The following CSTF1 variants were observed in gnomAD, a reference collection of about 807,000 sequenced individuals.
CSTF1 encodes the protein CF-1 50 kDa subunit.
A neutral mutation model predicts 40.9 loss-of-function variants in CSTF1; 2 were observed. That is an observed-to-expected ratio of 0.05 (90% CI 0.02 to 0.15). CSTF1 has a LOEUF of 0.15. CSTF1 is among the 10% of genes least tolerant of loss of function. CSTF1 has a pLI of 1.00. For synonymous variants in CSTF1, 218 were observed against 207.2 expected, an observed-to-expected ratio of 1.05 and a Z score of -0.45; for missense variants, 279 against 558.9, an observed-to-expected ratio of 0.50 and a Z score of 5.05.
Position 56,399,431 on chromosome 20 carries a change from C to T in CSTF1, c.1036+74C>T. The T allele has an allele frequency of 7.7e-7, 1 of 1,302,048 alleles. No individual in the cohort carries two copies. Among genetic ancestry groups the T allele is most frequent in the Admixed American group, 2.0e-5 (1 of 49,676 alleles). The allele number at this position is 1,302,048 out of a possible 1,614,324, so 80.7% of individuals were successfully genotyped here. ...TCCAGAACTCTCTTTTAAGACCTCACAATAGAGCAACACAATATCTATGCA... is the reference window on the plus strand; with the variant it reads ...TCCAGAACTCTCTTTTAAGACCTCATAATAGAGCAACACAATATCTATGCA... On this transcript the variant is annotated intron_variant, in intron 5 of 5. Coordinates refer to ENST00000217109, the MANE Select transcript of CSTF1 (RefSeq NM_001324.3). This position sits in a 1 kb window ranked among gnomAD's most constrained non-coding sequence, Gnocchi z 4.6.
chr20:56,397,598 A>T lies in CSTF1; in HGVS notation c.448-46A>T, dbSNP rs1357991354. 4 of 1,603,158 alleles carry T rather than the reference A, an allele frequency of 2.5e-6. No homozygotes were observed. In the Admixed American group the frequency reaches 6.7e-5, roughly 27 times the overall value. On this transcript the variant is annotated intron_variant, in intron 3 of 5. Coordinates refer to ENST00000217109, the MANE Select transcript of CSTF1 (RefSeq NM_001324.3). This position sits in a 1 kb window ranked among gnomAD's most constrained non-coding sequence, Gnocchi z 4.4. ...CTACAGTTGTGGATTGTGCACTTGG[A>T]TTCAGACACATTCTGTGCCTTGAGC...
Position 56,395,876 on chromosome 20 carries a change from C to T in CSTF1, c.169+155C>T. On this transcript the variant is annotated intron_variant, in intron 2 of 5. Coordinates refer to ENST00000217109, the MANE Select transcript of CSTF1 (RefSeq NM_001324.3). ...AGTTCAGCATGAGTTCAGGAAGTAG[C>T]TCAGTAAGTAAGGGGTAAAGCAAAG... The T allele has an allele frequency of 5.4e-6, 4 of 746,178 alleles. No individual in the cohort carries two copies. The South Asian group carries it at 7.8e-5, about 14-fold the overall frequency. The allele number at this position is 746,178 out of a possible 1,614,324, so 46.2% of individuals were successfully genotyped here. A position where few individuals can be genotyped will look rare whatever the true frequency, so the allele number is the denominator to read the frequency against.
intron 1 of CSTF1, among the ~76,000 whole-genome samples, chr20:56,395,162 C>T (rs1987480705): frequency 6.6e-6 from 1 of 152,130 alleles, no homozygotes; most frequent in Admixed American, 6.6e-5. Context: ...GTTTAATTAA[C>T]AGAAGTAATG....
intron 2 of CSTF1, chr20:56,395,986 ACTTC>A: frequency 3.1e-6 from 1 of 322,534 alleles, no homozygotes; most frequent in South Asian, 1.0e-4. Context: ...CATATTACTG[ACTTC>A]CTTCAGATTT....
At chr20:56,403,316 T>C in intron 5 of CSTF1, 152 bp from the exon 6 acceptor site, 1 of 920,132 alleles carries the variant, frequency 1.1e-6, no homozygotes, top group Non-Finnish European at 1.6e-6. Context: ...GTGCCTGGTT[T>C]GATTTTCTTT....
chr20:56,395,548 C>T lies in CSTF1; in HGVS notation c.-5C>T. On this transcript the variant is annotated 5_prime_UTR_variant, in exon 2 of 6. Coordinates refer to ENST00000217109, the MANE Select transcript of CSTF1 (RefSeq NM_001324.3). The stretch of plus-strand genomic sequence containing the variant: ...GGCAGGGAAACTGTCTTCCTTTTCT[C>T]CAAGATGTACAGAACCAAAGTGGGC... 1.9e-6 allele frequency: 3 copies of T among 1,607,514 alleles called. No homozygotes were observed. Among genetic ancestry groups the T allele is most frequent in the Non-Finnish European group, 2.5e-6 (3 of 1,176,808 alleles).
intron 5 of CSTF1, 58 bp from the exon 6 acceptor site, chr20:56,403,410 C>T (rs770943519): frequency 3.1e-6 from 5 of 1,594,196 alleles, no homozygotes; most frequent in South Asian, 1.1e-5. Context: ...AATGCTAGAA[C>T]GTTCTGAGGG....
Position 56,395,517 on chromosome 20 carries a change from G to C in CSTF1, c.-32-4G>C. 6 of 1,591,702 alleles carry C rather than the reference G, an allele frequency of 3.8e-6. No homozygotes were observed. The highest frequency in any genetic ancestry group is 5.1e-6 in the Non-Finnish European group (6 of 1,167,912). On this transcript the variant is annotated splice_region_variant and splice_polypyrimidine_tract_variant and intron_variant, in intron 1 of 5. Coordinates refer to ENST00000217109, the MANE Select transcript of CSTF1 (RefSeq NM_001324.3). ...CCTTCACCGTCCATTTTCCGTTTTT[G>C]CAGCTGGCAGGGAAACTGTCTTCCT...
Position 56,406,254 on chromosome 20 carries a change from ACT to A in CSTF1, c.*2530_*2531del, listed in dbSNP as rs1335229237. 6.6e-6 allele frequency: 1 copy of A among 151,046 alleles called. No homozygotes were observed. Among genetic ancestry groups the A allele is most frequent in the African/African-American group, 2.4e-5 (1 of 41,008 alleles). 9.4% of individuals were successfully genotyped at this position (151,046 alleles called of 1,614,324 possible). A position where few individuals can be genotyped will look rare whatever the true frequency, so the allele number is the denominator to read the frequency against. On this transcript the variant is annotated 3_prime_UTR_variant, in exon 6 of 6. Coordinates refer to ENST00000217109, the MANE Select transcript of CSTF1 (RefSeq NM_001324.3). The stretch of plus-strand genomic sequence containing the variant: ...CATCTCGTTAATTGTACCACACAAC[ACT>A]CTGCCATTCAAATAATGAATATCTG...
chr20:56,398,885 A>C, intron 4 of CSTF1, 82 bp from the exon 5 acceptor site: 1 of 1,287,984 alleles, frequency 7.8e-7, no homozygotes, highest in Non-Finnish European at 1.1e-6. Flanking sequence ...GATTCTTTTC[A>C]TCAGCCAGAT....
rs1433878171 is a variant in CSTF1 at position 56,395,934 on chromosome 20, CCTGAGGGT to C, written c.169+216_169+223del. ...TATGAAGACCTTAAGCTGGTTCTGG[CCTGAGGGT>C]CTTTGTACACATTATCTGGAACACT... On this transcript the variant is annotated intron_variant, in intron 2 of 5. Coordinates refer to ENST00000217109, the MANE Select transcript of CSTF1 (RefSeq NM_001324.3). The C allele has an allele frequency of 6.4e-5, 33 of 519,386 alleles. 1 individual carries two copies. The highest frequency in any genetic ancestry group is 1.1e-4 in the Non-Finnish European group (31 of 293,158). 32.2% of individuals were successfully genotyped at this position (519,386 alleles called of 1,614,324 possible). A position where few individuals can be genotyped will look rare whatever the true frequency, so the allele number is the denominator to read the frequency against.
chr20:56,398,951 G>A lies in CSTF1; in HGVS notation c.646-16G>A, dbSNP rs1028133263. 4.6e-5 allele frequency: 72 copies of A among 1,576,410 alleles called. 1 individual carries two copies. The South Asian group carries it at 7.7e-4, about 17-fold the overall frequency. ...TCACCAGTTGGTCACTTGTATTAAT[G>A]TCTCTGTCCCAACAGGAAGCTGAAA... On this transcript the variant is annotated splice_polypyrimidine_tract_variant and intron_variant, in intron 4 of 5. Transcript: ENST00000217109.
At chr20:56,394,518 C>T (rs1352312977) in intron 1 of CSTF1, among the ~76,000 whole-genome samples, 2 of 152,168 alleles carry the variant, frequency 1.3e-5, no homozygotes, top group African/African-American at 2.4e-5. Context: ...ACCCAGGAGG[C>T]GGAGGTTGCA....
At chr20:56,396,411 T>C (rs1987519154) in intron 2 of CSTF1, among the ~76,000 whole-genome samples, 2 of 152,252 alleles carry the variant, frequency 1.3e-5, no homozygotes. Flanking sequence ...TGTAAATTTT[T>C]AAATATCCAT....
intron 1 of CSTF1, among the ~76,000 whole-genome samples, chr20:56,393,495 A>T (rs1266896992): frequency 1.3e-5 from 2 of 151,824 alleles, no homozygotes; most frequent in Admixed American, 1.3e-4. Flanking sequence ...AGAATCTCCC[A>T]TTTTTTTCGG....
chr20:56,399,417 C>G lies in CSTF1; in HGVS notation c.1036+60C>G. On this transcript the variant is annotated intron_variant, in intron 5 of 5. Coordinates refer to ENST00000217109, the MANE Select transcript of CSTF1 (RefSeq NM_001324.3). The surrounding 1 kb of genome is among the most constrained non-coding windows in gnomAD (Gnocchi z 4.6). ...TAGTGTTTACACTTTCCAGAACTCTCTTTTAAGACCTCACAATAGAGCAAC... is the reference window on the plus strand; with the variant it reads ...TAGTGTTTACACTTTCCAGAACTCTGTTTTAAGACCTCACAATAGAGCAAC... The G allele has an allele frequency of 7.1e-7, 1 of 1,414,454 alleles. No homozygotes were observed. The highest frequency in any genetic ancestry group is 9.7e-7 in the Non-Finnish European group (1 of 1,034,364). 87.6% of individuals were successfully genotyped at this position (1,414,454 alleles called of 1,614,324 possible). A position where few individuals can be genotyped will look rare whatever the true frequency, so the allele number is the denominator to read the frequency against.
Position 56,403,696 on chromosome 20 carries a change from G to A in CSTF1, c.1265G>A (p.Arg422Gln), listed in dbSNP as rs1978574929. 1 of 1,613,622 alleles carries A rather than the reference G, an allele frequency of 6.2e-7. No homozygotes were observed. The highest frequency in any genetic ancestry group is 8.5e-7 in the Non-Finnish European group (1 of 1,179,734). ...FMTCSDDFRA[R>Q]FWYRRSTTD Reference sequence around the variant, plus strand: ...ACGTGCAGCGATGACTTCAGAGCGCGGTTTTGGTACCGGAGATCGACCACT... The same window carrying A: ...ACGTGCAGCGATGACTTCAGAGCGCAGTTTTGGTACCGGAGATCGACCACT... Residue 422 changes from arginine (R) to glutamine (Q), a missense_variant, in exon 6 of 6, where the codon CGG becomes CAG. Arg to Gln is a conservative substitution (Grantham distance 43, BLOSUM62 1). This residue lies in a region of CSTF1 where 162 missense variants were observed against 337.1 expected (regional missense o/e 0.48). Coordinates refer to ENST00000217109, the MANE Select transcript of CSTF1 (RefSeq NM_001324.3).
intron 1 of CSTF1, among the ~76,000 whole-genome samples, chr20:56,394,459 C>T (rs549775880): frequency 7.9e-5 from 12 of 152,232 alleles, no homozygotes; most frequent in African/African-American, 2.6e-4. Context: ...TGGTGGCGGG[C>T]GCCTGTAGTC....
intron 1 of CSTF1, among the ~76,000 whole-genome samples, chr20:56,394,334 C>T (rs987344606): frequency 6.6e-6 from 1 of 152,080 alleles, no homozygotes; most frequent in African/African-American, 2.4e-5. Context: ...GCCCGTAATC[C>T]CAGCACTTTG....
Sources: allele counts gnomAD v4.1 joint callset (sites outside exome capture counted in the v4.1 genomes callset), GRCh38; gene constraint gnomAD v4.1.1; regional missense constraint gnomAD v4.1.1; non-coding constraint Gnocchi (gnomAD v3.1); transcripts MANE v1.5; gene names NCBI Gene and HGNC (gene_info 2026-07-23, HGNC 2026-07-21).